Variants in TFCP2 observed in about 807,000 individuals in gnomAD.
TFCP2 encodes alpha-globin transcription factor CP2.
A neutral mutation model predicts 73.4 loss-of-function variants in TFCP2; 33 were observed. That is an observed-to-expected ratio of 0.45 (90% CI 0.34 to 0.60). The LOEUF (loss-of-function observed/expected upper bound fraction) is 0.60. TFCP2 is among the 20% of genes least tolerant of loss of function. The pLI is 0.01. For missense variants in TFCP2, 352 were observed against 604.0 expected (o/e 0.58, Z 4.37); for synonymous variants, 193 against 211.6 (o/e 0.91, Z 0.76).
intron 5 of TFCP2, among the ~76,000 whole-genome samples, chr12:51,110,639 A>C (rs549519367): frequency 1.3e-5 from 2 of 152,332 alleles, no homozygotes; most frequent in African/African-American, 4.8e-5. Flanking sequence ...CCAAGAAATG[A>C]AATATTATGC....
intron 1 of TFCP2, among the ~76,000 whole-genome samples, chr12:51,125,668 A>G (rs1329016625): frequency 1.3e-5 from 2 of 152,244 alleles, no homozygotes; most frequent in African/African-American, 4.8e-5. Context: ...AAGAAAGCCA[A>G]TTGAGATCTT....
chr12:51,170,115 C>T (rs933049404), intron 1 of TFCP2, among the ~76,000 whole-genome samples: 6 of 152,126 alleles, frequency 3.9e-5, no homozygotes, highest in African/African-American at 7.2e-5. Flanking sequence ...TTATGTCAGA[C>T]GCTCATGTGT....
intron 1 of TFCP2, among the ~76,000 whole-genome samples, chr12:51,134,880 A>ACTTG (rs1200653428): frequency 6.6e-6 from 1 of 152,082 alleles, no homozygotes; most frequent in African/African-American, 2.4e-5. Context: ...AGGCCAAGGC[A>ACTTG]GGAGGATCAC....
intron 1 of TFCP2, among the ~76,000 whole-genome samples, chr12:51,159,424 C>T (rs1941605019): frequency 1.3e-5 from 2 of 151,662 alleles, no homozygotes; most frequent in Admixed American, 6.6e-5. Flanking sequence ...TGCAAACTCC[C>T]GCCTCCCAGG....
rs905070587 is a variant in TFCP2, at chr12:51,098,765, G to A, written c.1419+11C>T. 4.3e-6 allele frequency: 7 copies of A among 1,613,910 alleles called. No individual in the cohort carries two copies. The highest frequency in any genetic ancestry group is 5.9e-6 in the Non-Finnish European group (7 of 1,179,976). On this transcript the variant is annotated intron_variant, in intron 13 of 14. Transcript: ENST00000257915. ...CATCATCTGGTAATTCAACTGTACTGAAAAATCTACCTCATCACTGATGAG... is the reference window on the plus strand; with the variant it reads ...CATCATCTGGTAATTCAACTGTACTAAAAAATCTACCTCATCACTGATGAG...
intron 8 of TFCP2, among the ~76,000 whole-genome samples, chr12:51,105,406 C>T (rs113878643): frequency 1.4e-4 from 22 of 152,176 alleles, no homozygotes; most frequent in African/African-American, 4.6e-4. Flanking sequence ...TTTCTTTATA[C>T]GTTCTTTGTC....
intron 2 of TFCP2, among the ~76,000 whole-genome samples, chr12:51,118,318 G>A (rs1434355846): frequency 1.3e-5 from 2 of 152,196 alleles, no homozygotes; most frequent in African/African-American, 4.8e-5. Context: ...ACTTTGGGAG[G>A]CCAAGGCAGG....
Position 51,147,537 on chromosome 12 carries a change from GA to G in TFCP2, c.122+24763del, listed in dbSNP as rs201341869. Among the ~76,000 whole-genome samples the G allele has an allele frequency of 7.5e-3, 1,129 of 151,460 alleles. 8 individuals carry two copies. Among genetic ancestry groups the G allele is most frequent in the African/African-American group, 0.024 (976 of 41,326 alleles). On this transcript the variant is annotated intron_variant, in intron 1 of 14. Transcript: ENST00000257915. Reference sequence around the variant, plus strand: ...ACCAGGATAGGAAGAGGTGGGGGGGGAAAGAGAGAAGGTGACAAAGTAGAGG... The same window carrying G: ...ACCAGGATAGGAAGAGGTGGGGGGGGAAGAGAGAAGGTGACAAAGTAGAGG...
At chr12:51,104,356 A>G (rs558383604) in intron 8 of TFCP2, among the ~76,000 whole-genome samples, 153 bp from the exon 9 acceptor site, 21 of 152,290 alleles carry the variant, frequency 1.4e-4, no homozygotes, top group African/African-American at 4.8e-4. Flanking sequence ...CCAATACTTT[A>G]ATTTTCTATT....
chr12:51,112,816 G>A (rs1022678673), intron 4 of TFCP2, among the ~76,000 whole-genome samples: 8 of 147,960 alleles, frequency 5.4e-5, no homozygotes, highest in Middle Eastern at 3.7e-3. Context: ...GCAGTGAGCC[G>A]AGATCATGCC....
intron 6 of TFCP2, among the ~76,000 whole-genome samples, chr12:51,107,580 C>G (rs1040545019): frequency 6.6e-6 from 1 of 151,894 alleles, no homozygotes; most frequent in East Asian, 1.9e-4. Flanking sequence ...GCACATAGTT[C>G]ACTGAAAAAA....
intron 1 of TFCP2, among the ~76,000 whole-genome samples, chr12:51,167,757 G>A (rs1592845987): frequency 6.6e-6 from 1 of 152,048 alleles, no homozygotes; most frequent in African/African-American, 2.4e-5. Context: ...AAGATCCAAG[G>A]TCTTATTAAA....
chr12:51,116,446 G>T, intron 3 of TFCP2, 26 bp from the exon 4 acceptor site: 2 of 1,367,468 alleles, frequency 1.5e-6, no homozygotes, highest in South Asian at 1.3e-5. Flanking sequence ...AAAATCAGAT[G>T]ATAACAAGAC....
At position 51,109,005 on chromosome 12, in the gene TFCP2, T is replaced by TTG. The variant is rs772025271; in HGVS notation, c.717+114_717+115dup. The TTG allele has an allele frequency of 2.1e-4, 244 of 1,155,482 alleles. 1 individual carries two copies. The highest frequency in any genetic ancestry group is 2.8e-4 in the Non-Finnish European group (228 of 807,026). 71.6% of individuals were successfully genotyped at this position (1,155,482 alleles called of 1,614,324 possible). On this transcript the variant is annotated intron_variant, in intron 6 of 14. Transcript: ENST00000257915. The stretch of plus-strand genomic sequence containing the variant: ...TTTCAATGACTCTAGCTTAGACTTT[T>TTG]TGCGTGTGTGTGAGTTTTCAAAAAA...
At chr12:51,114,784 C>T (rs1349479188) in intron 4 of TFCP2, among the ~76,000 whole-genome samples, 1 of 151,892 alleles carries the variant, frequency 6.6e-6, no homozygotes, top group East Asian at 1.9e-4. Context: ...AAGCAACAGG[C>T]CAGGTGTGGT....
At chr12:51,121,240 G>C (rs562496206) in intron 1 of TFCP2, among the ~76,000 whole-genome samples, 2 of 151,996 alleles carry the variant, frequency 1.3e-5, no homozygotes, top group South Asian at 4.1e-4. Context: ...GGCTAGCATG[G>C]TAAAACCCCG....
At chr12:51,138,315 C>T (rs922548618) in intron 1 of TFCP2, among the ~76,000 whole-genome samples, 1 of 151,812 alleles carries the variant, frequency 6.6e-6, no homozygotes, top group Non-Finnish European at 1.5e-5. Context: ...GTAAACCATG[C>T]CTGGCTAATT....
At chr12:51,164,459 C>T (rs1413353785) in intron 1 of TFCP2, among the ~76,000 whole-genome samples, 3 of 151,654 alleles carry the variant, frequency 2.0e-5, no homozygotes, top group South Asian at 2.1e-4. Flanking sequence ...TAGCTGGGCA[C>T]GGTGGCAGGC....
chr12:51,112,868 A>AG (rs1372631708), intron 4 of TFCP2, among the ~76,000 whole-genome samples: 1 of 130,748 alleles, frequency 7.6e-6, no homozygotes, highest in Admixed American at 9.5e-5. Context: ...CTCTGTCTCA[A>AG]AAAAAAAAAA....
Sources: allele counts gnomAD v4.1 joint callset (sites outside exome capture counted in the v4.1 genomes callset), GRCh38; gene constraint gnomAD v4.1.1; transcripts MANE v1.5; gene names NCBI Gene and HGNC (gene_info 2026-07-23, HGNC 2026-07-21).